Variants in NRK observed in about 807,000 individuals in gnomAD.
The protein encoded by NRK is nik-related protein kinase.
A neutral mutation model predicts 125.2 loss-of-function variants in NRK; 67 were observed. The observed-to-expected ratio is 0.54, with a 90% CI of 0.44 to 0.66. The LOEUF is 0.66. Ranked by LOEUF, NRK falls within the 30% of genes least tolerant of loss-of-function variation. The pLI, the probability that NRK is intolerant of heterozygous loss-of-function variation, is 0.00. For missense variants in NRK, 1,224 were observed against 1,192.9 expected (o/e 1.03, Z -0.38); for synonymous variants, 458 against 429.0 (o/e 1.07, Z -0.84).
intron 15 of NRK, among the ~76,000 whole-genome samples, chrX:105,916,931 G>A (rs781748651): frequency 4.5e-5 from 5 of 111,072 alleles, no homozygotes; most frequent in Non-Finnish European, 7.6e-5. Context: ...AAATCTTTCC[G>A]GAAATTTGGG....
intron 1 of NRK, among the ~76,000 whole-genome samples, chrX:105,826,077 TACAC>T (rs1302430438): frequency 3.1e-5 from 3 of 96,590 alleles, no homozygotes; most frequent in African/African-American, 1.1e-4. Flanking sequence ...TATATACACA[TACAC>T]ACACACACAT....
At chrX:105,873,389 T>A (rs1056582599) in intron 2 of NRK, among the ~76,000 whole-genome samples, 1 of 111,171 alleles carries the variant, frequency 9.0e-6, no homozygotes, top group Non-Finnish European at 1.9e-5. Context: ...AAATGTGTAA[T>A]CCCCAAGAAA....
intron 2 of NRK, among the ~76,000 whole-genome samples, chrX:105,835,864 A>G (rs912937852): frequency 2.7e-5 from 3 of 111,312 alleles, no homozygotes; most frequent in African/African-American, 9.8e-5. Context: ...CAAGGGTTCT[A>G]TACTCTCATG....
intron 2 of NRK, among the ~76,000 whole-genome samples, chrX:105,845,842 T>C (rs1052025707): frequency 9.0e-6 from 1 of 111,582 alleles, no homozygotes; most frequent in African/African-American, 3.3e-5. Context: ...CAGAGCTTCA[T>C]AGGAATGCGG....
rs987252263 is a variant in NRK at position 105,957,442 on chromosome X, C to T, written c.*1842C>T. ...TAATTTCAGAAAATTTCCTCATATACGTAGTGTGTAGAATCAAGTCTTTTA... is the reference window on the plus strand; with the variant it reads ...TAATTTCAGAAAATTTCCTCATATATGTAGTGTGTAGAATCAAGTCTTTTA... On this transcript the variant is annotated 3_prime_UTR_variant, in exon 29 of 29. Coordinates refer to ENST00000243300, the MANE Select transcript of NRK (RefSeq NM_198465.4). 10 of 111,658 alleles carry T rather than the reference C, an allele frequency of 9.0e-5. No individual in the cohort carries two copies. Among genetic ancestry groups the T allele is most frequent in the African/African-American group, 2.3e-4 (7 of 30,732 alleles). The allele number at this position is 111,658 out of a possible 1,213,427, so 9.2% of individuals were successfully genotyped here. A position where few individuals can be genotyped will look rare whatever the true frequency, so the allele number is the denominator to read the frequency against.
chrX:105,867,050 G>C (rs2039681541), intron 2 of NRK, among the ~76,000 whole-genome samples: 1 of 110,959 alleles, frequency 9.0e-6, no homozygotes, highest in South Asian at 3.8e-4. Flanking sequence ...GTCTTGATGA[G>C]TTAATTAAAA....
intron 2 of NRK, among the ~76,000 whole-genome samples, chrX:105,835,418 A>G (rs1311235358): frequency 1.8e-5 from 2 of 110,572 alleles, no homozygotes; most frequent in African/African-American, 3.3e-5. Flanking sequence ...GTATACTGCT[A>G]TTGCTTCTTA....
intron 2 of NRK, among the ~76,000 whole-genome samples, chrX:105,865,891 C>T (rs182159707): frequency 1.9e-3 from 203 of 109,462 alleles, no homozygotes; most frequent in Non-Finnish European, 2.3e-3. Flanking sequence ...AAAACCAGTT[C>T]AGTCAGTTAC....
At chrX:105,882,743 C>T (rs915150178) in intron 4 of NRK, among the ~76,000 whole-genome samples, 4 of 111,107 alleles carry the variant, frequency 3.6e-5, no homozygotes, top group African/African-American at 9.8e-5. Flanking sequence ...AAGTACTAGG[C>T]TCCTGTTATG....
rs113129723 is a variant in NRK at position 105,866,014 on chromosome X, CA to C, written c.124-14171del. On this transcript the variant is annotated intron_variant, in intron 2 of 28. Transcript: ENST00000243300. ...GTCAGGTGCATAAAACAAAACAAAG[CA>C]AAAAAAAAAAAAACATAAAAGTCAG... Among the ~76,000 whole-genome samples the C allele has an allele frequency of 4.2e-3, 321 of 75,898 alleles. 3 individuals are homozygous for C. Among genetic ancestry groups the C allele is most frequent in the South Asian group, 8.9e-3 (15 of 1,685 alleles). 65.9% of individuals were successfully genotyped at this position (75,898 alleles called of 115,157 possible). A position where few individuals can be genotyped will look rare whatever the true frequency, so the allele number is the denominator to read the frequency against.
chrX:105,898,754 A>G (rs1454077181), intron 8 of NRK, 40 bp downstream of exon 8: 3 of 1,062,580 alleles, frequency 2.8e-6, no homozygotes, highest in Non-Finnish European at 3.7e-6. Context: ...TACAATTTGG[A>G]AAGGATTTTT....
chrX:105,836,586 A>T (rs114403148), intron 2 of NRK, among the ~76,000 whole-genome samples: 1 of 112,308 alleles, frequency 8.9e-6, no homozygotes, highest in African/African-American at 3.2e-5. Context: ...TATGTAAATA[A>T]ACACTTAAAA....
At chrX:105,902,662 C>CGAGAAAGT (rs1182613537) in intron 9 of NRK, among the ~76,000 whole-genome samples, 1 of 111,819 alleles carries the variant, frequency 8.9e-6, no homozygotes, top group Non-Finnish European at 1.9e-5. Flanking sequence ...AGGTGAGCGG[C>CGAGAAAGT]GAGCAAGTGA....
intron 2 of NRK, among the ~76,000 whole-genome samples, chrX:105,849,898 G>T (rs373444698): frequency 8.9e-6 from 1 of 111,769 alleles, no homozygotes; most frequent in East Asian, 2.8e-4. Context: ...CCAGGTGCAC[G>T]GTTCAAGCAG....
At chrX:105,826,147 TTA>T (rs750428557) in intron 1 of NRK, among the ~76,000 whole-genome samples, 125 of 92,231 alleles carry the variant, frequency 1.4e-3, no homozygotes, top group African/African-American at 3.7e-3. Context: ...ATATATATGA[TTA>T]TATATATATG....
At chrX:105,951,317 A>T (rs952059079) in intron 27 of NRK, among the ~76,000 whole-genome samples, 2 of 111,214 alleles carry the variant, frequency 1.8e-5, no homozygotes, top group African/African-American at 3.3e-5. Flanking sequence ...GGTCAAAGGG[A>T]TCTTGAGAAG....
intron 1 of NRK, among the ~76,000 whole-genome samples, chrX:105,828,631 A>G (rs2039146324): frequency 8.9e-6 from 1 of 111,844 alleles, no homozygotes; most frequent in South Asian, 3.7e-4. Context: ...ATTTTGACAG[A>G]TGGCCAAAGA....
Position 105,909,838 on chromosome X carries a change from G to T in NRK, c.2197G>T (p.Asp733Tyr). The change falls in exon 13 of 29, where the codon GAT becomes TAT. Residue 733 changes from aspartate to tyrosine, a missense_variant. Asp to Tyr is a radical substitution (Grantham distance 160). Transcript: ENST00000243300. Reference sequence around the variant, plus strand: ...GCAAAGGCGCCAACGCAGATGGGAAGATATCTTTAATCAGCATGAGGAAGA... The same window carrying T: ...GCAAAGGCGCCAACGCAGATGGGAATATATCTTTAATCAGCATGAGGAAGA... ...RRQRRQRRWE[D>Y]IFNQHEEELR... The T allele has an allele frequency of 8.6e-7, 1 of 1,166,778 alleles. No individual in the cohort carries two copies. The highest frequency in any genetic ancestry group is 1.1e-6 in the Non-Finnish European group (1 of 869,792).
chrX:105,869,370 T>A (rs1158344404), intron 2 of NRK, among the ~76,000 whole-genome samples: 1 of 111,509 alleles, frequency 9.0e-6, no homozygotes, highest in Non-Finnish European at 1.9e-5. Context: ...AAGGGCCTTG[T>A]ACTATCTTAA....
Sources: gnomAD v4.1 joint callset for allele counts (sites outside exome capture counted in the v4.1 genomes callset) on GRCh38, gnomAD v4.1.1 for gene constraint, MANE v1.5 for transcripts, NCBI Gene and HGNC (gene_info 2026-07-23, HGNC 2026-07-21) for gene names.